The following PHACTR1 variants were observed in gnomAD, a reference collection of about 807,000 sequenced individuals.
PHACTR1 encodes the protein RPEL repeat containing 1.
PHACTR1 carries 16 observed loss-of-function variants against 69.2 expected under a neutral mutation model. The ratio of observed to expected loss-of-function variants is 0.23; its 90% CI spans 0.16 to 0.35. PHACTR1 has a LOEUF of 0.35. Among genes scored for constraint, PHACTR1 ranks in the 10% least tolerant of loss-of-function variants. PHACTR1 has a pLI of 1.00. For synonymous variants in PHACTR1, 312 were observed against 284.5 expected (o/e 1.10, Z -0.97); for missense variants, 510 against 734.7 (o/e 0.69, Z 3.54).
chr6:13,022,329 T>G (rs1457479529), intron 4 of PHACTR1, among the ~76,000 whole-genome samples: 2 of 152,228 alleles, frequency 1.3e-5, no homozygotes, highest in South Asian at 2.1e-4. Flanking sequence ...ATGAATTTAC[T>G]TCCATTCTGC....
intron 4 of PHACTR1, among the ~76,000 whole-genome samples, chr6:12,782,721 G>A (rs1274834963): frequency 6.6e-6 from 1 of 152,140 alleles, no homozygotes; most frequent in Admixed American, 6.5e-5. Flanking sequence ...TAAAAAAGAG[G>A]ACTACTATTA....
At position 12,717,528 on chromosome 6, in the gene PHACTR1, G is replaced by A. The variant is rs2127551722; in HGVS notation, c.-262G>A. The A allele has an allele frequency of 6.6e-6, 1 of 152,244 alleles. No individual in the cohort carries two copies. The highest frequency in any genetic ancestry group is 1.5e-5 in the Non-Finnish European group (1 of 68,014). 9.4% of individuals were successfully genotyped at this position (152,244 alleles called of 1,614,324 possible). A position where few individuals can be genotyped will look rare whatever the true frequency, so the allele number is the denominator to read the frequency against. On this transcript the variant is annotated 5_prime_UTR_variant, in exon 2 of 15. Transcript: ENST00000332995. ...TCGCAGGGGAGGGTGCAGAGGCTGA[G>A]GCTGGCGTCACCTTCCGTTGCTAAG...
intron 4 of PHACTR1, among the ~76,000 whole-genome samples, chr6:12,801,410 T>C (rs1292804235): frequency 1.3e-5 from 2 of 152,210 alleles, no homozygotes; most frequent in African/African-American, 4.8e-5. Context: ...ATGTATGGCT[T>C]GGCCATCTCA....
chr6:13,171,223 G>A (rs1760572078), intron 6 of PHACTR1, among the ~76,000 whole-genome samples: 1 of 151,524 alleles, frequency 6.6e-6, no homozygotes, highest in South Asian at 2.1e-4. Flanking sequence ...GAAGGCTCAG[G>A]ACTCCTCCAA....
rs565635029 is a variant in PHACTR1 at position 12,930,531 on chromosome 6, C to T, written c.251-122834C>T. On this transcript the variant is annotated intron_variant, in intron 4 of 14. Transcript: ENST00000332995. ...CATCTGCCCTCAGTGTTAACTTGTT[C>T]CCCAGAAAGTCATCGCATCTTATCC... 6.6e-5 allele frequency among the ~76,000 whole-genome samples: 10 copies of T among 152,270 alleles called. No homozygotes were observed. The South Asian group carries it at 2.1e-3, about 32-fold the overall frequency.
chr6:12,762,708 C>T (rs2127613359), intron 4 of PHACTR1, among the ~76,000 whole-genome samples: 1 of 152,248 alleles, frequency 6.6e-6, no homozygotes, highest in South Asian at 2.1e-4. Context: ...ACCAGGCAGC[C>T]TTGACAACAA....
At chr6:13,068,928 G>A (rs1809082142) in intron 5 of PHACTR1, among the ~76,000 whole-genome samples, 1 of 152,108 alleles carries the variant, frequency 6.6e-6, no homozygotes, top group African/African-American at 2.4e-5. Flanking sequence ...CCAAACCTGG[G>A]TATTTCCGAG....
chr6:12,943,069 T>C (rs1444665016), intron 4 of PHACTR1, among the ~76,000 whole-genome samples: 1 of 152,238 alleles, frequency 6.6e-6, no homozygotes, highest in African/African-American at 2.4e-5. Flanking sequence ...TGTACAGGAA[T>C]GTTCATAGCA....
At chr6:13,162,421 C>G (rs761547482) in intron 6 of PHACTR1, among the ~76,000 whole-genome samples, 15 of 152,080 alleles carry the variant, frequency 9.9e-5, no homozygotes, top group Non-Finnish European at 2.1e-4. Context: ...GCCACCGCGC[C>G]CGGCCCCTCC....
At chr6:12,724,898 A>G (rs908562013) in intron 3 of PHACTR1, among the ~76,000 whole-genome samples, 1 of 152,214 alleles carries the variant, frequency 6.6e-6, no homozygotes, top group Non-Finnish European at 1.5e-5. Flanking sequence ...CCAAATGACA[A>G]AAGTCACTAG....
chr6:13,098,776 G>A (rs991895314), intron 5 of PHACTR1, among the ~76,000 whole-genome samples: 2 of 152,082 alleles, frequency 1.3e-5, no homozygotes, highest in Non-Finnish European at 2.9e-5. Context: ...AATTATTTCT[G>A]GGATGTGTTC....
At chr6:13,043,444 G>C (rs1030427628) in intron 4 of PHACTR1, among the ~76,000 whole-genome samples, 9 of 152,048 alleles carry the variant, frequency 5.9e-5, no homozygotes, top group East Asian at 1.9e-4. Context: ...AAAGGCGGGT[G>C]GGGGGTGGCG....
chr6:13,161,358 C>G (rs1758981407), intron 6 of PHACTR1, among the ~76,000 whole-genome samples: 1 of 152,084 alleles, frequency 6.6e-6, no homozygotes, highest in African/African-American at 2.4e-5. Context: ...CCCTCCTCTC[C>G]CTCTTATCTC....
chr6:12,963,891 G>C (rs1793078173), intron 4 of PHACTR1, among the ~76,000 whole-genome samples: 1 of 152,154 alleles, frequency 6.6e-6, no homozygotes, highest in South Asian at 2.1e-4. Flanking sequence ...CTGATTTCAA[G>C]GTTCATAACT....
intron 12 of PHACTR1, among the ~76,000 whole-genome samples, chr6:13,278,962 C>A (rs1483038462): frequency 1.3e-3 from 174 of 134,532 alleles, no homozygotes; most frequent in Admixed American, 1.9e-3. Flanking sequence ...GACTCTGTCT[C>A]AAAAAAAAAA....
intron 4 of PHACTR1, among the ~76,000 whole-genome samples, chr6:12,765,385 C>T (rs1312511143): frequency 2.0e-5 from 3 of 152,184 alleles, no homozygotes; most frequent in Admixed American, 6.5e-5. Context: ...GCCTAATTCA[C>T]CTGTAAATCC....
In PHACTR1 at chr6:13,258,252, G is replaced by T. The variant is rs434703; in HGVS notation, c.1392-14608G>T. 3.2e-3 allele frequency among the ~76,000 whole-genome samples: 483 copies of T among 152,056 alleles called. 1 individual carries two copies. Among genetic ancestry groups the T allele is most frequent in the Non-Finnish European group, 5.0e-3 (339 of 67,958 alleles). On this transcript the variant is annotated intron_variant, in intron 10 of 14. Transcript: ENST00000332995. ...GCGTGCCTGTAATTCCAGCTTCTAG[G>T]GGGGAGGCAGGAGGATTGCTTGAAC... is the stretch of plus-strand genomic sequence containing the variant.
At chr6:13,076,382 G>A (rs536530688) in intron 5 of PHACTR1, among the ~76,000 whole-genome samples, 2 of 152,238 alleles carry the variant, frequency 1.3e-5, no homozygotes, top group South Asian at 2.1e-4. Flanking sequence ...TGGGAAATAC[G>A]AATGCCTTGG....
chr6:12,884,390 T>G (rs1783421407), intron 4 of PHACTR1, among the ~76,000 whole-genome samples: 1 of 152,012 alleles, frequency 6.6e-6, no homozygotes, highest in Non-Finnish European at 1.5e-5. Flanking sequence ...AAGTACATAA[T>G]TGGTTTACTG....
Sources: allele counts gnomAD v4.1 joint callset (sites outside exome capture counted in the v4.1 genomes callset), GRCh38; gene constraint gnomAD v4.1.1; transcripts MANE v1.5; gene names NCBI Gene and HGNC (gene_info 2026-07-23, HGNC 2026-07-21).